Variants in SLC35F3 observed in about 807,000 individuals in gnomAD.
SLC35F3 encodes solute carrier family 35 member F3.
In SLC35F3, 25 loss-of-function variants were observed where a neutral mutation model predicts 49.9. The ratio of observed to expected loss-of-function variants is 0.50; its 90% confidence interval spans 0.37 to 0.70. SLC35F3 has a LOEUF of 0.70. SLC35F3 is among the 30% of genes least tolerant of loss of function. The pLI is 0.00. For synonymous variants in SLC35F3, 275 were observed against 265.4 expected (o/e 1.04, Z -0.35); for missense variants, 525 against 639.8 (o/e 0.82, Z 1.94).
chr1:234,288,344 A>G (rs1290291475), intron 3 of SLC35F3, among the ~76,000 whole-genome samples: 2 of 152,242 alleles, frequency 1.3e-5, no homozygotes, highest in Admixed American at 6.5e-5. Flanking sequence ...GCTGAATTCA[A>G]TCTATAAAAT....
At chr1:234,294,755 A>G (rs145073986) in intron 3 of SLC35F3, among the ~76,000 whole-genome samples, 5 of 152,348 alleles carry the variant, frequency 3.3e-5, no homozygotes, top group Non-Finnish European at 7.3e-5. Flanking sequence ...TGGAAGGTAC[A>G]AAGGTGACTG....
intron 2 of SLC35F3, among the ~76,000 whole-genome samples, chr1:233,995,484 T>A (rs1211951792): frequency 1.3e-5 from 2 of 152,140 alleles, no homozygotes; most frequent in Non-Finnish European, 2.9e-5. Flanking sequence ...TTAAATGAAG[T>A]GTTAAGGATG....
intron 2 of SLC35F3, among the ~76,000 whole-genome samples, chr1:233,956,463 G>C (rs541537124): frequency 2.0e-5 from 3 of 152,282 alleles, no homozygotes; most frequent in African/African-American, 7.2e-5. Flanking sequence ...CATTGCTATT[G>C]CTATGGTTGT....
chr1:233,979,961 C>A (rs1663153711), intron 2 of SLC35F3, among the ~76,000 whole-genome samples: 1 of 152,202 alleles, frequency 6.6e-6, no homozygotes, highest in Non-Finnish European at 1.5e-5. Context: ...TGAAAGCAGA[C>A]AGGGCTGTCA....
At chr1:234,315,165 G>A (rs1173666496) in intron 4 of SLC35F3, among the ~76,000 whole-genome samples, 1 of 152,146 alleles carries the variant, frequency 6.6e-6, no homozygotes, top group Non-Finnish European at 1.5e-5. Context: ...GACAGATTGG[G>A]CCAGGCAGTG....
At chr1:234,103,093 A>C (rs1384107846) in intron 2 of SLC35F3, among the ~76,000 whole-genome samples, 3 of 152,240 alleles carry the variant, frequency 2.0e-5, no homozygotes, top group Non-Finnish European at 4.4e-5. Flanking sequence ...AAAGTTGGTG[A>C]ATAAGGCAAA....
chr1:234,044,462 G>A (rs938474423), intron 2 of SLC35F3, among the ~76,000 whole-genome samples: 1 of 152,146 alleles, frequency 6.6e-6, no homozygotes, highest in African/African-American at 2.4e-5. Context: ...ATGGAGCTAG[G>A]TGGAAAATTG....
chr1:234,214,255 C>G lies in SLC35F3; in HGVS notation c.284-17162C>G. 2 of 1,249,308 alleles carry G rather than the reference C, an allele frequency of 1.6e-6. No individual in the cohort carries two copies. The highest frequency in any genetic ancestry group is 2.0e-6 in the Non-Finnish European group (2 of 998,838). The allele number at this position is 1,249,308 out of a possible 1,614,324, so 77.4% of individuals were successfully genotyped here. A position where few individuals can be genotyped will look rare whatever the true frequency, so the allele number is the denominator to read the frequency against. On this transcript the variant is annotated intron_variant, in intron 2 of 7. Coordinates refer to ENST00000366618, the MANE Select transcript of SLC35F3 (RefSeq NM_173508.4). The surrounding 1 kb of genome is among the most constrained non-coding windows in gnomAD (Gnocchi z 8.0). ...CAACCTCCAAGTAGGAGGCTGTGCG[C>G]GCGTGTGTGTGGAGTGGCTGCGCGG...
chr1:234,114,893 A>G (rs1572057440), intron 2 of SLC35F3, among the ~76,000 whole-genome samples: 1 of 151,276 alleles, frequency 6.6e-6, no homozygotes, highest in Admixed American at 6.6e-5. Context: ...ATTTTGCCAC[A>G]TGTTGGTGGG....
chr1:234,206,086 G>A (rs1178304488), intron 2 of SLC35F3, among the ~76,000 whole-genome samples: 7 of 152,140 alleles, frequency 4.6e-5, no homozygotes, highest in Non-Finnish European at 1.0e-4. Context: ...TAGGAAATGC[G>A]GAGAGGCAGG....
intron 2 of SLC35F3, among the ~76,000 whole-genome samples, chr1:233,985,039 C>G (rs1034671386): frequency 5.9e-5 from 9 of 152,056 alleles, no homozygotes; most frequent in African/African-American, 1.9e-4. Flanking sequence ...AAGAGGGGTC[C>G]CTGCTCCATC....
chr1:234,199,173 A>T (rs896779466), intron 2 of SLC35F3, among the ~76,000 whole-genome samples: 4 of 152,256 alleles, frequency 2.6e-5, no homozygotes, highest in Admixed American at 6.5e-5. Context: ...GGCTGCAGTG[A>T]GCTATGATTG....
At chr1:233,950,686 A>T (rs532297674) in intron 2 of SLC35F3, among the ~76,000 whole-genome samples, 22 of 152,204 alleles carry the variant, frequency 1.4e-4, no homozygotes, top group Non-Finnish European at 2.5e-4. Context: ...CAAATCAGAG[A>T]GACTAGGAAA....
chr1:233,922,887 C>G (rs1218545813), intron 2 of SLC35F3, among the ~76,000 whole-genome samples: 1 of 152,166 alleles, frequency 6.6e-6, no homozygotes, highest in East Asian at 1.9e-4. Flanking sequence ...TTTCCCAGCA[C>G]CATTTATTAA....
chr1:234,210,938 G>C (rs2102939841), intron 2 of SLC35F3, among the ~76,000 whole-genome samples: 1 of 152,360 alleles, frequency 6.6e-6, no homozygotes, highest in African/African-American at 2.4e-5. Context: ...CACAGGCCCG[G>C]AAGCCTAGGA....
chr1:234,152,619 T>G (rs189854919), intron 2 of SLC35F3, among the ~76,000 whole-genome samples: 17 of 152,308 alleles, frequency 1.1e-4, no homozygotes, highest in Admixed American at 2.6e-4. Context: ...TCTTTATCCA[T>G]TCTATCATTG....
At chr1:234,187,125 T>C (rs1043538338) in intron 2 of SLC35F3, among the ~76,000 whole-genome samples, 2 of 152,262 alleles carry the variant, frequency 1.3e-5, no homozygotes, top group Non-Finnish European at 2.9e-5. Flanking sequence ...CTTGTCAATG[T>C]TGATGCTTTC....
At chr1:234,280,050 T>C (rs1668298252) in intron 3 of SLC35F3, among the ~76,000 whole-genome samples, 1 of 152,230 alleles carries the variant, frequency 6.6e-6, no homozygotes, top group South Asian at 2.1e-4. Flanking sequence ...TAGAGGGGTC[T>C]CCTCTGTGGT....
At chr1:234,126,543 TACA>T (rs1665650736) in intron 2 of SLC35F3, among the ~76,000 whole-genome samples, 1 of 151,698 alleles carries the variant, frequency 6.6e-6, no homozygotes, top group Non-Finnish European at 1.5e-5. Flanking sequence ...TATCCATCAC[TACA>T]GTCAAGACCA....
Sources: gnomAD v4.1 joint callset for allele counts (sites outside exome capture counted in the v4.1 genomes callset) on GRCh38, gnomAD v4.1.1 for gene constraint, Gnocchi (gnomAD v3.1) non-coding constraint, MANE v1.5 for transcripts, NCBI Gene and HGNC (gene_info 2026-07-23, HGNC 2026-07-21) for gene names.